CACNA1E: variants seen among roughly 807,000 people sequenced by gnomAD.
CACNA1E encodes calcium voltage-gated channel subunit alpha1 E, also known as voltage-dependent R-type calcium channel subunit alpha-1E.
Under a neutral mutation model 259.2 loss-of-function variants are expected in CACNA1E, and 40 were observed. The ratio of observed to expected loss-of-function variants is 0.15; its 90% CI spans 0.12 to 0.20. CACNA1E has a LOEUF of 0.20. Among genes scored for constraint, CACNA1E ranks in the 10% least tolerant of loss-of-function variants. The pLI is 1.00. For missense variants in CACNA1E, 1,874 were observed against 3,040.1 expected, an observed-to-expected ratio of 0.62 and a Z score of 9.02; for synonymous variants, 1,104 against 1,138.5, an observed-to-expected ratio of 0.97 and a Z score of 0.61.
chr1:181,682,880 C>T (rs1341587150), intron 7 of CACNA1E, among the ~76,000 whole-genome samples: 2 of 152,172 alleles, frequency 1.3e-5, no homozygotes, highest in Non-Finnish European at 2.9e-5. Context: ...GATCCGGTCA[C>T]CTTCCACCAG....
intron 1 of CACNA1E, among the ~76,000 whole-genome samples, chr1:181,358,500 C>A (rs1178984795): frequency 6.6e-6 from 1 of 152,090 alleles, no homozygotes; most frequent in Admixed American, 6.5e-5. Context: ...TACTAGGTTG[C>A]AGGAGAGATT....
intron 1 of CACNA1E, among the ~76,000 whole-genome samples, chr1:181,384,038 A>T (rs991944792): frequency 6.6e-6 from 1 of 152,114 alleles, no homozygotes; most frequent in Non-Finnish European, 1.5e-5. Context: ...TGACTGAAAA[A>T]CTGCATTTTT....
chr1:181,590,414 A>ATATATATATAT (rs1206091612), intron 6 of CACNA1E, among the ~76,000 whole-genome samples: 4 of 125,670 alleles, frequency 3.2e-5, no homozygotes, highest in African/African-American at 1.2e-4. Context: ...AAAAAAAAAA[A>ATATATATATAT]AAATATATAT....
chr1:181,629,819 G>A (rs1256426297), intron 6 of CACNA1E, among the ~76,000 whole-genome samples: 1 of 152,012 alleles, frequency 6.6e-6, no homozygotes, highest in Non-Finnish European at 1.5e-5. Flanking sequence ...GCAATAAATT[G>A]GACCAATTCT....
At chr1:181,633,074 C>G (rs998461469) in intron 6 of CACNA1E, among the ~76,000 whole-genome samples, 1 of 152,150 alleles carries the variant, frequency 6.6e-6, no homozygotes, top group African/African-American at 2.4e-5. Context: ...GAACGTCTTT[C>G]GAAGTGTGCT....
intron 3 of CACNA1E, among the ~76,000 whole-genome samples, chr1:181,552,441 C>CTT (rs60645286): frequency 3.3e-5 from 5 of 151,018 alleles, no homozygotes; most frequent in African/African-American, 1.2e-4. Context: ...GTATTCATAG[C>CTT]TTTTTTTTTC....
chr1:181,652,312 A>AT (rs1206311239), intron 7 of CACNA1E, among the ~76,000 whole-genome samples: 1 of 152,166 alleles, frequency 6.6e-6, no homozygotes, highest in African/African-American at 2.4e-5. Flanking sequence ...ACTGAACTTA[A>AT]TTTTTTGTCA....
chr1:181,481,909 G>T (rs1663284052), upstream of CACNA1E, among the ~76,000 whole-genome samples: 1 of 152,090 alleles, frequency 6.6e-6, no homozygotes, highest in South Asian at 2.1e-4. Flanking sequence ...GATGGGGGGC[G>T]GGAGGATCCT....
chr1:181,450,654 A>G (rs918077648), intron 2 of CACNA1E, among the ~76,000 whole-genome samples: 1 of 152,190 alleles, frequency 6.6e-6, no homozygotes, highest in Non-Finnish European at 1.5e-5. Context: ...GGAACTAAAA[A>G]ACGAGATAAT....
At chr1:181,604,226 G>A (rs1052071409) in intron 6 of CACNA1E, among the ~76,000 whole-genome samples, 2 of 152,136 alleles carry the variant, frequency 1.3e-5, no homozygotes, top group African/African-American at 4.8e-5. Context: ...TCAGACTGGG[G>A]TCCCACTCAC....
intron 7 of CACNA1E, among the ~76,000 whole-genome samples, chr1:181,705,511 A>ATTT (rs1186376402): frequency 3.2e-4 from 48 of 152,208 alleles, no homozygotes; most frequent in Non-Finnish European, 6.6e-4. Context: ...AGAAACCCAA[A>ATTT]CCTTGCATAC....
At chr1:181,505,700 G>A (rs1210115007) in intron 1 of CACNA1E, among the ~76,000 whole-genome samples, 2 of 151,864 alleles carry the variant, frequency 1.3e-5, no homozygotes, top group Non-Finnish European at 2.9e-5. Flanking sequence ...AAACATGAAA[G>A]GGATCTTCCA....
In CACNA1E at chr1:181,758,889, C is replaced by A. The variant is rs372381671; in HGVS notation, c.4605+21C>A. 6.2e-6 allele frequency: 8 copies of A among 1,298,424 alleles called. No individual in the cohort carries two copies. Among genetic ancestry groups the A allele is most frequent in the Non-Finnish European group, 8.9e-6 (8 of 895,210 alleles). 80.4% of individuals were successfully genotyped at this position (1,298,424 alleles called of 1,614,324 possible). A position where few individuals can be genotyped will look rare whatever the true frequency, so the allele number is the denominator to read the frequency against. ...TTTTGGTATGTTGCTGAATCCTTCCCAGCACTGGGCTTGTCTCTTTCTGTT... is the reference window on the plus strand; with the variant it reads ...TTTTGGTATGTTGCTGAATCCTTCCAAGCACTGGGCTTGTCTCTTTCTGTT... On this transcript the variant is annotated intron_variant, in intron 32 of 47. Transcript: ENST00000367573. The surrounding 1 kb of genome is among the most constrained non-coding windows in gnomAD (Gnocchi z 4.2).
intron 2 of CACNA1E, among the ~76,000 whole-genome samples, chr1:181,460,623 G>T (rs935756122): frequency 1.3e-5 from 2 of 152,204 alleles, no homozygotes; most frequent in Admixed American, 1.3e-4. Context: ...CATCCATGGA[G>T]TTCCCTCAGG....
At chr1:181,366,586 AG>A (rs1654282888) in intron 1 of CACNA1E, among the ~76,000 whole-genome samples, 1 of 152,122 alleles carries the variant, frequency 6.6e-6, no homozygotes, top group South Asian at 2.1e-4. Context: ...AGGCTTCATA[AG>A]GGCTGCTGTA....
At chr1:181,486,238 C>T (rs1032562098) in intron 1 of CACNA1E, among the ~76,000 whole-genome samples, 3 of 152,216 alleles carry the variant, frequency 2.0e-5, no homozygotes, top group Non-Finnish European at 4.4e-5. Flanking sequence ...GTGCCTTGGC[C>T]CCGAGCCCTG....
chr1:181,375,127 A>G (rs1655009650), intron 1 of CACNA1E, among the ~76,000 whole-genome samples: 2 of 152,200 alleles, frequency 1.3e-5, no homozygotes, highest in African/African-American at 4.8e-5. Context: ...TAAGAAGAGA[A>G]CACAATTAGT....
rs866295593 is a variant in CACNA1E, at chr1:181,700,851, G to A, written c.1056-10103G>A. Among the ~76,000 whole-genome samples, 13 of 152,180 alleles carry A rather than the reference G, an allele frequency of 8.5e-5. 2 individuals are homozygous for A. In the South Asian group the frequency reaches 2.5e-3, roughly 29 times the overall value. ...CACGTTTGGTGCGTTAGCCCACGCC[G>A]AGCCTCTAAACTTCCTTCCGCTCAC... is the stretch of plus-strand genomic sequence containing the variant. On this transcript the variant is annotated intron_variant, in intron 7 of 47. Transcript: ENST00000367573.
chr1:181,755,296 C>T lies in CACNA1E; in HGVS notation c.3888C>T (p.Tyr1296=). ...ATGTCTTCAACATACTCATTGTGTA[C>T]AAGCTCTTCATGTTCATCTTTGCTG... ...LKNVFNILIV[Y]KLFMFIFAVI... Residue 1296 remains tyrosine (Y), a synonymous_variant, in exon 28 of 48, where the codon TAC becomes TAT. Coordinates refer to ENST00000367573, the MANE Select transcript of CACNA1E (RefSeq NM_001205293.3). 1.2e-6 allele frequency: 2 copies of T among 1,613,642 alleles called. No individual in the cohort carries two copies. The highest frequency in any genetic ancestry group is 2.7e-5 in the African/African-American group (2 of 75,050).
Sources: gnomAD v4.1 joint callset for allele counts (sites outside exome capture counted in the v4.1 genomes callset) on GRCh38, gnomAD v4.1.1 for gene constraint, Gnocchi (gnomAD v3.1) non-coding constraint, MANE v1.5 for transcripts, NCBI Gene and HGNC (gene_info 2026-07-23, HGNC 2026-07-21) for gene names.